Variants in ZNF708 observed in about 807,000 individuals in gnomAD.
The protein encoded by ZNF708 is zinc finger protein 708.
A neutral mutation model predicts 47.0 loss-of-function variants in ZNF708; 44 were observed. The observed-to-expected ratio is 0.94, with a 90% CI of 0.74 to 1.20. The LOEUF is 1.20. Among genes scored for constraint, ZNF708 ranks in the 50% most tolerant of loss-of-function variants. The pLI is 0.00. For synonymous variants in ZNF708, 184 were observed against 218.5 expected (o/e 0.84, Z 1.39); for missense variants, 557 against 656.0 (o/e 0.85, Z 1.65).
intron 3 of ZNF708, among the ~76,000 whole-genome samples, chr19:21,303,994 C>CA (rs1466006084): frequency 1.5e-4 from 23 of 151,912 alleles, no homozygotes; most frequent in Non-Finnish European, 2.2e-4. Context: ...CCCCATTTGC[C>CA]ATAATAAATA....
chr19:21,306,637 T>C (rs2997222), intron 3 of ZNF708, among the ~76,000 whole-genome samples: 12 of 152,196 alleles, frequency 7.9e-5, no homozygotes, highest in African/African-American at 2.6e-4. Flanking sequence ...AAAGAGCAGC[T>C]ATTGTTTTAA....
chr19:21,322,285 C>CT (rs893654737), intron 1 of ZNF708, among the ~76,000 whole-genome samples: 35 of 150,112 alleles, frequency 2.3e-4, no homozygotes, highest in Non-Finnish European at 3.6e-4. Flanking sequence ...AGCTCATATT[C>CT]TTTTTTTTTC....
rs1288331675 is a variant in ZNF708 at position 21,293,971 on chromosome 19, C to T, written c.995G>A (p.Gly332Asp). ...HLTTHKRIHT[G>D]EKPYKCEECG... ...TTCTTCACATTTGTAGGGTTTCTCA[C>T]CAGTATGAATCCTCTTATGTGTAGT... Residue 332 changes from glycine to aspartate, a missense_variant, in exon 4 of 4, where the codon GGT (glycine) becomes GAT (aspartate). Gly to Asp is a moderately conservative substitution (Grantham distance 94). Coordinates refer to ENST00000356929, the MANE Select transcript of ZNF708 (RefSeq NM_021269.3). The T allele has an allele frequency of 3.7e-6, 6 of 1,612,668 alleles. No homozygotes were observed. Among genetic ancestry groups the T allele is most frequent in the Non-Finnish European group, 2.5e-6 (3 of 1,179,372 alleles).
intron 1 of ZNF708, among the ~76,000 whole-genome samples, chr19:21,317,936 T>A (rs1480911212): frequency 1.3e-5 from 2 of 152,232 alleles, no homozygotes; most frequent in Non-Finnish European, 2.9e-5. Context: ...TAGGGTGCTA[T>A]CTTTTTGGTT....
At chr19:21,329,090 G>C (rs955250061) in intron 1 of ZNF708, 120 bp downstream of exon 1, 1 of 1,453,806 alleles carries the variant, frequency 6.9e-7, no homozygotes, top group African/African-American at 1.4e-5. Flanking sequence ...GCTAGGCAAG[G>C]AGAACTCGGA....
chr19:21,328,600 C>T (rs1280643714), intron 1 of ZNF708, among the ~76,000 whole-genome samples: 6 of 152,126 alleles, frequency 3.9e-5, no homozygotes, highest in Non-Finnish European at 7.3e-5. Context: ...ACTGAGGAGG[C>T]TCTAGTCCCC....
chr19:21,324,948 A>G (rs1235238059), intron 1 of ZNF708, among the ~76,000 whole-genome samples: 2 of 152,230 alleles, frequency 1.3e-5, no homozygotes, highest in African/African-American at 4.8e-5. Context: ...TTCTACAGCC[A>G]AAATGGGAAA....
At chr19:21,294,809 T>C in intron 3 of ZNF708, 70 bp from the exon 4 acceptor site, 3 of 1,393,258 alleles carry the variant, frequency 2.2e-6, no homozygotes, top group African/African-American at 1.5e-5. Context: ...ATCTAACTTA[T>C]ACCAACTATA....
intron 3 of ZNF708, among the ~76,000 whole-genome samples, chr19:21,298,293 A>C (rs1252407214): frequency 2.0e-5 from 3 of 152,184 alleles, no homozygotes; most frequent in Non-Finnish European, 4.4e-5. Context: ...AATTCTTAAC[A>C]AATTTTTTAA....
chr19:21,310,658 C>T, intron 1 of ZNF708, 31 bp from the exon 2 acceptor site: 1 of 1,424,982 alleles, frequency 7.0e-7, no homozygotes, highest in Non-Finnish European at 9.2e-7. Flanking sequence ...CACATATTTA[C>T]CAAGTGGTTA....
At chr19:21,317,521 A>G (rs1002798482) in intron 1 of ZNF708, among the ~76,000 whole-genome samples, 2 of 152,226 alleles carry the variant, frequency 1.3e-5, no homozygotes, top group African/African-American at 2.4e-5. Flanking sequence ...GACACCTTAT[A>G]TATTTATATC....
Position 21,310,444 on chromosome 19 carries a change from CA to C in ZNF708, c.130+56del, listed in dbSNP as rs368336971. On this transcript the variant is annotated intron_variant, in intron 2 of 3. Transcript: ENST00000356929. ...TGGGTGACAGAGTGAAACTCTGTCT[CA>C]AAAAAAAAAATAATAATAAATAATA... is the stretch of plus-strand genomic sequence containing the variant. 297 of 648,122 alleles carry C rather than the reference CA, an allele frequency of 4.6e-4. 1 individual carries two copies. Among genetic ancestry groups the C allele is most frequent in the East Asian group, 3.8e-3 (43 of 11,186 alleles). 40.1% of individuals were successfully genotyped at this position (648,122 alleles called of 1,614,324 possible).
intron 2 of ZNF708, among the ~76,000 whole-genome samples, chr19:21,310,230 A>G (rs1327492742): frequency 6.6e-6 from 1 of 151,944 alleles, no homozygotes; most frequent in African/African-American, 2.4e-5. Context: ...GCAGACCCTG[A>G]GGTCAGGAGT....
intron 1 of ZNF708, among the ~76,000 whole-genome samples, chr19:21,326,515 A>G (rs776681745): frequency 6.6e-6 from 1 of 152,242 alleles, no homozygotes; most frequent in Non-Finnish European, 1.5e-5. Flanking sequence ...ATAAGGATGC[A>G]AAGGCATAAG....
chr19:21,300,681 G>T (rs1189278206), intron 3 of ZNF708, among the ~76,000 whole-genome samples: 1 of 151,484 alleles, frequency 6.6e-6, no homozygotes, highest in Non-Finnish European at 1.5e-5. Flanking sequence ...TATTTTTTGA[G>T]ACAGAGTCTC....
At chr19:21,317,437 G>A (rs141593489) in intron 1 of ZNF708, among the ~76,000 whole-genome samples, 8 of 152,304 alleles carry the variant, frequency 5.3e-5, no homozygotes, top group South Asian at 2.1e-4. Flanking sequence ...AGGGAAGAGC[G>A]TGCACTTTGC....
intron 3 of ZNF708, 60 bp from the exon 4 acceptor site, chr19:21,294,799 A>C (rs1291317248): frequency 3.4e-6 from 5 of 1,450,652 alleles, no homozygotes; most frequent in Non-Finnish European, 1.8e-6. Context: ...ATATTTACAA[A>C]TCTAACTTAT....
At chr19:21,322,812 T>G (rs1260360717) in intron 1 of ZNF708, among the ~76,000 whole-genome samples, 1 of 152,128 alleles carries the variant, frequency 6.6e-6, no homozygotes, top group East Asian at 1.9e-4. Context: ...TAACACTAAC[T>G]CATTGTCTAA....
chr19:21,301,510 G>A (rs544370938), intron 3 of ZNF708, among the ~76,000 whole-genome samples: 29 of 152,290 alleles, frequency 1.9e-4, no homozygotes, highest in African/African-American at 4.6e-4. Context: ...CAGCTACTCC[G>A]GAGGCTGAGA....
Sources: allele counts gnomAD v4.1 joint callset (sites outside exome capture counted in the v4.1 genomes callset), GRCh38; gene constraint gnomAD v4.1.1; transcripts MANE v1.5; gene names NCBI Gene and HGNC (gene_info 2026-07-23, HGNC 2026-07-21).